MEMO1: variants seen among roughly 807,000 people sequenced by gnomAD.
MEMO1 encodes mediator of cell motility 1.
In MEMO1, 6 loss-of-function variants were observed where a neutral mutation model predicts 45.2. That is an observed-to-expected ratio of 0.13 (90% CI 0.07 to 0.26). MEMO1 has a LOEUF of 0.26. MEMO1 is among the 10% of genes least tolerant of loss of function. MEMO1 has a pLI of 1.00. For synonymous variants in MEMO1, 78 were observed against 124.3 expected (o/e 0.63, Z 2.48); for missense variants, 184 against 370.5 (o/e 0.50, Z 4.13).
chr2:32,007,537 T>C (rs1483751697), intron 2 of MEMO1, among the ~76,000 whole-genome samples: 1 of 149,458 alleles, frequency 6.7e-6, no homozygotes, highest in Non-Finnish European at 1.5e-5. Context: ...AATATTTATA[T>C]ATGTACACAC....
chr2:31,968,665 A>T (rs1008891719), intron 2 of MEMO1, among the ~76,000 whole-genome samples: 2 of 152,168 alleles, frequency 1.3e-5, no homozygotes, highest in Non-Finnish European at 2.9e-5. Flanking sequence ...TTCAGTCCAT[A>T]TCCTTGCATT....
chr2:31,878,195 G>A (rs2147913781), intron 8 of MEMO1, among the ~76,000 whole-genome samples: 1 of 152,264 alleles, frequency 6.6e-6, no homozygotes. Context: ...GCACAGTAAG[G>A]AGATTAGTGT....
chr2:31,874,989 T>G (rs916598679), intron 8 of MEMO1, among the ~76,000 whole-genome samples: 2 of 151,962 alleles, frequency 1.3e-5, no homozygotes, highest in Non-Finnish European at 2.9e-5. Flanking sequence ...CGGGTCTTAT[T>G]ATTTTGACCC....
At chr2:31,971,941 T>A (rs12993808) in intron 2 of MEMO1, among the ~76,000 whole-genome samples, 22,570 of 151,676 alleles carry the variant, frequency 0.15, 1,913 homozygotes, top group African/African-American at 0.22. Flanking sequence ...CTGCACTCCA[T>A]CCTGGCCGTC....
At chr2:31,954,911 A>G (rs1191253494) in intron 2 of MEMO1, among the ~76,000 whole-genome samples, 1 of 151,900 alleles carries the variant, frequency 6.6e-6, no homozygotes, top group Non-Finnish European at 1.5e-5. Context: ...GGCAACCAGG[A>G]ATTTTTAACA....
In MEMO1 at chr2:31,895,837, C is replaced by CTTTT. The variant is rs71412853; in HGVS notation, c.438-3707_438-3704dup. Among the ~76,000 whole-genome samples the CTTTT allele has an allele frequency of 1.7e-3, 141 of 84,736 alleles. 1 individual carries two copies. Among genetic ancestry groups the CTTTT allele is most frequent in the Non-Finnish European group, 1.8e-3 (85 of 46,398 alleles). The allele number at this position is 84,736 out of a possible 152,430, so 55.6% of individuals were successfully genotyped here. The stretch of plus-strand genomic sequence containing the variant: ...TGAAAACAAAACACAAGAAAAAAAT[C>CTTTT]TTTTTTTTTTTTTTTTTTTTTTTTT... On this transcript the variant is annotated intron_variant, in intron 6 of 9. Transcript: ENST00000404530.
intron 2 of MEMO1, among the ~76,000 whole-genome samples, chr2:31,950,255 C>T (rs190666876): frequency 2.6e-4 from 40 of 151,774 alleles, no homozygotes; most frequent in Non-Finnish European, 4.9e-4. Context: ...ATGACAGGTG[C>T]CTGTAATTCC....
intron 2 of MEMO1, among the ~76,000 whole-genome samples, chr2:31,970,771 AGGTGG>A (rs1669294745): frequency 1.3e-5 from 2 of 152,144 alleles, no homozygotes; most frequent in South Asian, 4.1e-4. Context: ...TGGGAGGCCG[AGGTGG>A]GGGGATCACT....
At chr2:31,902,191 C>T (rs1210025154) in intron 6 of MEMO1, among the ~76,000 whole-genome samples, 1 of 151,880 alleles carries the variant, frequency 6.6e-6, no homozygotes, top group African/African-American at 2.4e-5. Flanking sequence ...CAGAGGAGGG[C>T]GGATCACTTA....
At chr2:31,876,089 A>G (rs979209357) in intron 8 of MEMO1, among the ~76,000 whole-genome samples, 1 of 152,136 alleles carries the variant, frequency 6.6e-6, no homozygotes, top group Admixed American at 6.6e-5. Context: ...TTCCTATTGT[A>G]CTTATATAAA....
At chr2:31,972,777 C>G (rs543020997) in intron 2 of MEMO1, among the ~76,000 whole-genome samples, 1 of 151,984 alleles carries the variant, frequency 6.6e-6, no homozygotes, top group South Asian at 2.1e-4. Context: ...AGGATTAATA[C>G]CCAGAATATA....
At chr2:31,944,889 TAACA>T (rs759717798) in intron 2 of MEMO1, among the ~76,000 whole-genome samples, 1 of 152,138 alleles carries the variant, frequency 6.6e-6, no homozygotes, top group Non-Finnish European at 1.5e-5. Flanking sequence ...GGTAATAATA[TAACA>T]AACACACACA....
intron 2 of MEMO1, among the ~76,000 whole-genome samples, chr2:31,948,074 C>T (rs1666392028): frequency 6.6e-6 from 1 of 152,194 alleles, no homozygotes; most frequent in Non-Finnish European, 1.5e-5. Context: ...TTCTAACATG[C>T]TTCTCAGGTG....
chr2:31,871,017 G>C (rs1572521011), intron 8 of MEMO1, among the ~76,000 whole-genome samples: 1 of 152,094 alleles, frequency 6.6e-6, no homozygotes, highest in South Asian at 2.1e-4. Context: ...CAACCACTAT[G>C]ACTTGAACAT....
intron 6 of MEMO1, among the ~76,000 whole-genome samples, chr2:31,895,403 G>C (rs560359454): frequency 4.6e-5 from 7 of 152,108 alleles, no homozygotes; most frequent in Non-Finnish European, 4.4e-5. Flanking sequence ...TAACTAAATA[G>C]GGAATATCAA....
chr2:31,887,407 T>C (rs1676344933), intron 7 of MEMO1, among the ~76,000 whole-genome samples: 1 of 152,126 alleles, frequency 6.6e-6, no homozygotes, highest in African/African-American at 2.4e-5. Flanking sequence ...TTCAGATACA[T>C]AAAATAAAAA....
intron 2 of MEMO1, among the ~76,000 whole-genome samples, chr2:32,001,337 C>G (rs1673294067): frequency 6.6e-6 from 1 of 152,100 alleles, no homozygotes; most frequent in Admixed American, 6.5e-5. Context: ...TCGCACCCGG[C>G]AGAAGTGCCA....
At chr2:31,924,073 A>AG (rs1682726850) in intron 4 of MEMO1, among the ~76,000 whole-genome samples, 1 of 150,744 alleles carries the variant, frequency 6.6e-6, no homozygotes, top group Non-Finnish European at 1.5e-5. Flanking sequence ...AGAAATAATA[A>AG]GAAAAAAAGG....
intron 2 of MEMO1, among the ~76,000 whole-genome samples, chr2:31,952,034 C>G (rs1309582520): frequency 6.6e-6 from 1 of 152,098 alleles, no homozygotes. Context: ...ATAGCATGCC[C>G]TTGGTACAGC....
Sources: allele counts gnomAD v4.1 joint callset (sites outside exome capture counted in the v4.1 genomes callset), GRCh38; gene constraint gnomAD v4.1.1; transcripts MANE v1.5; gene names NCBI Gene and HGNC (gene_info 2026-07-23, HGNC 2026-07-21).